Variants in IGSF21 observed in about 807,000 individuals in gnomAD.
IGSF21 encodes the protein immunoglobin superfamily member 21.
IGSF21 carries 28 observed loss-of-function variants against 46.8 expected under a neutral mutation model. The observed-to-expected ratio is 0.60, with a 90% confidence interval of 0.44 to 0.82. The LOEUF is 0.82. Among genes scored for constraint, IGSF21 ranks in the 40% least tolerant of loss-of-function variants. The pLI is 0.00. For missense variants in IGSF21, 624 were observed against 665.5 expected, an observed-to-expected ratio of 0.94 and a Z score of 0.69; for synonymous variants, 284 against 273.6, an observed-to-expected ratio of 1.04 and a Z score of -0.38.
chr1:18,234,823 A>G (rs1423914245), intron 2 of IGSF21, among the ~76,000 whole-genome samples: 2 of 152,042 alleles, frequency 1.3e-5, no homozygotes, highest in Admixed American at 6.6e-5. Flanking sequence ...CAGCCAAACC[A>G]TATCACAATC....
At chr1:18,306,655 G>A (rs1190919113) in intron 3 of IGSF21, among the ~76,000 whole-genome samples, 1 of 152,176 alleles carries the variant, frequency 6.6e-6, no homozygotes, top group Non-Finnish European at 1.5e-5. Context: ...GCGAATTCCT[G>A]ATCAGAGGGC....
intron 3 of IGSF21, among the ~76,000 whole-genome samples, chr1:18,330,733 G>T (rs1289886425): frequency 6.6e-6 from 1 of 152,198 alleles, no homozygotes; most frequent in Non-Finnish European, 1.5e-5. Context: ...TGTTGGCCAA[G>T]ATGATGATTC....
chr1:18,280,206 T>C (rs1011553698), intron 2 of IGSF21, among the ~76,000 whole-genome samples: 10 of 152,196 alleles, frequency 6.6e-5, no homozygotes, highest in African/African-American at 1.9e-4. Flanking sequence ...ACACAGATAC[T>C]GGGATCAGAT....
intron 2 of IGSF21, among the ~76,000 whole-genome samples, chr1:18,284,188 C>T (rs2085190295): frequency 1.3e-5 from 2 of 152,222 alleles, no homozygotes; most frequent in Non-Finnish European, 2.9e-5. Context: ...CTGAGGTTGA[C>T]TTGGTCTAGT....
intron 1 of IGSF21, among the ~76,000 whole-genome samples, chr1:18,203,933 C>T (rs2087101787): frequency 6.6e-6 from 1 of 152,166 alleles, no homozygotes; most frequent in African/African-American, 2.4e-5. Flanking sequence ...CTGGTGGGTC[C>T]TACAGAAACA....
At chr1:18,181,116 G>A (rs139985431) in intron 1 of IGSF21, among the ~76,000 whole-genome samples, 1 of 152,262 alleles carries the variant, frequency 6.6e-6, no homozygotes, top group African/African-American at 2.4e-5. Context: ...CCTCCTCCTT[G>A]CTGCCTCCCC....
intron 1 of IGSF21, among the ~76,000 whole-genome samples, chr1:18,181,057 G>C (rs1383487732): frequency 6.6e-6 from 1 of 152,186 alleles, no homozygotes; most frequent in African/African-American, 2.4e-5. Flanking sequence ...GCAGGGCTGA[G>C]TGCTCCCTTC....
At chr1:18,167,555 A>C (rs61763663) in intron 1 of IGSF21, among the ~76,000 whole-genome samples, 11,403 of 152,092 alleles carry the variant, frequency 0.075, 466 homozygotes, top group Middle Eastern at 0.18. Context: ...AGTGCCCTCC[A>C]CCACCCACCT....
Position 18,232,641 on chromosome 1 carries a change from G to A in IGSF21, c.183+4631G>A, listed in dbSNP as rs116311170. On this transcript the variant is annotated intron_variant, in intron 2 of 9. Coordinates refer to ENST00000251296, the MANE Select transcript of IGSF21 (RefSeq NM_032880.5). ...CCTCCTCCATGAATCCTCTGTGTGG[G>A]TCTTTACACTAGTGCTTACCTCATC... is the stretch of plus-strand genomic sequence containing the variant. Among the ~76,000 whole-genome samples, 387 of 152,298 alleles carry A rather than the reference G, an allele frequency of 2.5e-3. 3 individuals carry two copies. The highest frequency in any genetic ancestry group is 8.3e-3 in the African/African-American group (346 of 41,560).
chr1:18,364,708 T>C (rs938773877), intron 5 of IGSF21, among the ~76,000 whole-genome samples: 3 of 151,992 alleles, frequency 2.0e-5, no homozygotes, highest in African/African-American at 7.3e-5. Context: ...TTTTCTGCCT[T>C]CCATCTCCAA....
At chr1:18,306,738 T>C (rs2085430155) in intron 3 of IGSF21, among the ~76,000 whole-genome samples, 1 of 152,234 alleles carries the variant, frequency 6.6e-6, no homozygotes, top group Non-Finnish European at 1.5e-5. Context: ...GACAGAGCCA[T>C]AGGGTGAGCT....
At chr1:18,288,429 T>C (rs912080901) in intron 2 of IGSF21, among the ~76,000 whole-genome samples, 7 of 152,248 alleles carry the variant, frequency 4.6e-5, no homozygotes, top group Non-Finnish European at 8.8e-5. Context: ...TTGTGGACTG[T>C]GTACCTCTTG....
chr1:18,353,281 G>A (rs1435028284), intron 4 of IGSF21, among the ~76,000 whole-genome samples: 1 of 151,612 alleles, frequency 6.6e-6, no homozygotes, highest in Non-Finnish European at 1.5e-5. Flanking sequence ...CTGTCTCTTC[G>A]GGTCTCTGCT....
In IGSF21 at chr1:18,365,636, CTT is replaced by C; in HGVS notation, c.955_956del (p.Phe319GlnfsTer72). The C allele has an allele frequency of 6.2e-7, 1 of 1,614,232 alleles. No homozygotes were observed. Among genetic ancestry groups the C allele is most frequent in the Non-Finnish European group, 8.5e-7 (1 of 1,180,048 alleles). ...LNPQIDNEAL[F>X]SCEVKHPALS... is the part of the protein sequence containing the mutation. Reference sequence around the variant, plus strand: ...ACCCACAGATCGACAACGAGGCCCTCTTCAGCTGCGAGGTCAAGCACCCAGCT... The same window carrying C: ...ACCCACAGATCGACAACGAGGCCCTCCAGCTGCGAGGTCAAGCACCCAGCT... On this transcript the variant is annotated frameshift_variant, in exon 6 of 10. Transcript: ENST00000251296. LOFTEE classifies it high-confidence loss of function. The surrounding 1 kb of genome is among the most constrained non-coding windows in gnomAD (Gnocchi z 4.8).
intron 1 of IGSF21, among the ~76,000 whole-genome samples, chr1:18,213,274 G>A (rs1258829452): frequency 2.6e-5 from 4 of 151,990 alleles, no homozygotes; most frequent in Non-Finnish European, 5.9e-5. Context: ...TGTATGCAAT[G>A]CATTAGTGGA....
At chr1:18,183,497 C>T (rs1488877202) in intron 1 of IGSF21, among the ~76,000 whole-genome samples, 1 of 152,194 alleles carries the variant, frequency 6.6e-6, no homozygotes, top group South Asian at 2.1e-4. Context: ...AGGAGGAGGT[C>T]AGAGGTGAGC....
At chr1:18,148,706 G>T (rs72942400) in intron 1 of IGSF21, among the ~76,000 whole-genome samples, 1 of 152,124 alleles carries the variant, frequency 6.6e-6, no homozygotes, top group African/African-American at 2.4e-5. Context: ...TTTGTGGAGT[G>T]AGAGGATGTG....
chr1:18,199,675 C>T (rs982557205), intron 1 of IGSF21, among the ~76,000 whole-genome samples: 6 of 152,160 alleles, frequency 3.9e-5, no homozygotes, highest in African/African-American at 1.2e-4. Context: ...CAGCCCCCCT[C>T]CCCCTTCCCT....
chr1:18,336,918 T>C (rs1411427446), intron 4 of IGSF21, among the ~76,000 whole-genome samples: 1 of 152,138 alleles, frequency 6.6e-6, no homozygotes, highest in African/African-American at 2.4e-5. Context: ...GCAGGGAAAC[T>C]CCCCTTTATG....
Sources: gnomAD v4.1 joint callset for allele counts (sites outside exome capture counted in the v4.1 genomes callset) on GRCh38, gnomAD v4.1.1 for gene constraint, Gnocchi (gnomAD v3.1) non-coding constraint, MANE v1.5 for transcripts, NCBI Gene and HGNC (gene_info 2026-07-23, HGNC 2026-07-21) for gene names.